UTRN: variants seen among roughly 807,000 people sequenced by gnomAD.
The protein encoded by UTRN is dystrophin-related protein 1.
Under a neutral mutation model 463.9 loss-of-function variants are expected in UTRN, and 283 were observed. The observed-to-expected ratio is 0.61, with a 90% confidence interval of 0.55 to 0.67. The LOEUF (loss-of-function observed/expected upper bound fraction) is 0.67. UTRN is among the 30% of genes least tolerant of loss of function. The probability of loss-of-function intolerance (pLI) is 0.00; values close to 1 mark genes in which losing one functional copy is unlikely to be tolerated. For missense variants in UTRN, 3,922 were observed against 4,084.3 expected, an observed-to-expected ratio of 0.96 and a Z score of 1.08; for synonymous variants, 1,442 against 1,431.5, an observed-to-expected ratio of 1.01 and a Z score of -0.17.
At chr6:144,726,959 AAAG>A (rs932219818) in intron 53 of UTRN, among the ~76,000 whole-genome samples, 9 of 152,198 alleles carry the variant, frequency 5.9e-5, no homozygotes, top group African/African-American at 1.9e-4. Context: ...TGAAATCTAA[AAAG>A]AAGTTCCAAG....
At chr6:144,449,538 C>T (rs905648877) in intron 17 of UTRN, among the ~76,000 whole-genome samples, 2 of 152,062 alleles carry the variant, frequency 1.3e-5, no homozygotes, top group Non-Finnish European at 2.9e-5. Flanking sequence ...TTTAGATGGC[C>T]GTCTCTTCTC....
intron 53 of UTRN, among the ~76,000 whole-genome samples, chr6:144,706,223 A>AG (rs1445347717): frequency 1.7e-5 from 2 of 115,114 alleles, no homozygotes; most frequent in African/African-American, 1.2e-4. Context: ...ATTTCAGGGC[A>AG]GCTTTTTTTT....
At chr6:144,414,305 TG>T (rs1027687380) in intron 3 of UTRN, among the ~76,000 whole-genome samples, 47 of 152,164 alleles carry the variant, frequency 3.1e-4, no homozygotes, top group Non-Finnish European at 4.4e-4. Context: ...ATCCTCACCC[TG>T]TGTAGGCCTA....
At chr6:144,368,866 G>C (rs1483435523) in intron 2 of UTRN, among the ~76,000 whole-genome samples, 2 of 152,198 alleles carry the variant, frequency 1.3e-5, no homozygotes, top group East Asian at 3.8e-4. Context: ...GGATCTAAGA[G>C]AGCTCTAATG....
intron 53 of UTRN, among the ~76,000 whole-genome samples, chr6:144,706,189 T>A (rs1785070116): frequency 6.6e-6 from 1 of 151,348 alleles, no homozygotes; most frequent in South Asian, 2.1e-4. Flanking sequence ...AAATCTCTTA[T>A]GGGTGTGTAA....
At chr6:144,641,556 T>G (rs1777766315) in intron 51 of UTRN, among the ~76,000 whole-genome samples, 1 of 152,176 alleles carries the variant, frequency 6.6e-6, no homozygotes, top group African/African-American at 2.4e-5. Flanking sequence ...GTTTTTCAGG[T>G]TAACTCTGGA....
intron 7 of UTRN, 24 bp from the exon 8 acceptor site, chr6:144,428,754 G>C: frequency 7.4e-7 from 1 of 1,355,804 alleles, no homozygotes; most frequent in Non-Finnish European, 1.0e-6. Flanking sequence ...CATCTTCATT[G>C]CATTTTATTT....
intron 53 of UTRN, among the ~76,000 whole-genome samples, chr6:144,716,187 G>GA (rs1400796102): frequency 1.3e-5 from 2 of 151,220 alleles, no homozygotes; most frequent in Admixed American, 6.6e-5. Context: ...TTATTTAAGG[G>GA]AAAATGAATT....
chr6:144,814,476 G>A (rs1202320105), intron 65 of UTRN, among the ~76,000 whole-genome samples: 2 of 152,056 alleles, frequency 1.3e-5, no homozygotes, highest in African/African-American at 4.8e-5. Context: ...CAAAAGAAGA[G>A]GAATCTCTGT....
chr6:144,433,142 C>A (rs1382184534), intron 9 of UTRN, among the ~76,000 whole-genome samples: 8 of 152,104 alleles, frequency 5.3e-5, no homozygotes, highest in African/African-American at 1.9e-4. Flanking sequence ...ACCTTTCCCC[C>A]CTTTCTATTC....
At chr6:144,837,732 CAG>C (rs756001759) in intron 71 of UTRN, among the ~76,000 whole-genome samples, 2 of 152,196 alleles carry the variant, frequency 1.3e-5, no homozygotes, top group African/African-American at 4.8e-5. Flanking sequence ...TAATTCAAAA[CAG>C]TGTCATTTCT....
intron 39 of UTRN, among the ~76,000 whole-genome samples, chr6:144,519,417 AAAAC>A (rs1428240990): frequency 6.6e-6 from 1 of 152,200 alleles, no homozygotes; most frequent in Non-Finnish European, 1.5e-5. Context: ...GAAATTTAAT[AAAAC>A]ACTCACTTAA....
At chr6:144,471,176 T>C (rs1181567001) in intron 23 of UTRN, among the ~76,000 whole-genome samples, 1 of 150,138 alleles carries the variant, frequency 6.7e-6, no homozygotes, top group Non-Finnish European at 1.5e-5. Flanking sequence ...TACATGTGAA[T>C]TGCATGTGCC....
intron 51 of UTRN, among the ~76,000 whole-genome samples, chr6:144,639,277 T>G (rs571511784): frequency 6.6e-6 from 1 of 152,316 alleles, no homozygotes; most frequent in South Asian, 2.1e-4. Flanking sequence ...CATATACTCT[T>G]AATTTTATTG....
intron 48 of UTRN, among the ~76,000 whole-genome samples, chr6:144,553,915 C>CAAAA (rs397886619): frequency 3.0e-5 from 3 of 99,816 alleles, no homozygotes; most frequent in Admixed American, 1.1e-4. Context: ...GACTCTCTCT[C>CAAAA]AAAAAAAAAA....
At chr6:144,712,266 C>T (rs1785806844) in intron 53 of UTRN, among the ~76,000 whole-genome samples, 2 of 152,164 alleles carry the variant, frequency 1.3e-5, no homozygotes, top group African/African-American at 2.4e-5. Flanking sequence ...TGAGCCTGCA[C>T]CTACCTGCAA....
At chr6:144,539,916 G>A (rs9496998) in intron 45 of UTRN, among the ~76,000 whole-genome samples, 113 of 151,794 alleles carry the variant, frequency 7.4e-4, no homozygotes, top group South Asian at 2.7e-3. Context: ...AGTGGCACAC[G>A]CCTGTAATCG....
At chr6:144,772,769 G>A (rs115900837) in intron 59 of UTRN, among the ~76,000 whole-genome samples, 162 of 152,138 alleles carry the variant, frequency 1.1e-3, no homozygotes, top group African/African-American at 3.0e-3. Flanking sequence ...CGAGAATTCC[G>A]GTTTTGTTTT....
intron 50 of UTRN, among the ~76,000 whole-genome samples, chr6:144,572,139 C>A (rs1412992191): frequency 6.6e-6 from 1 of 152,124 alleles, no homozygotes; most frequent in Non-Finnish European, 1.5e-5. Flanking sequence ...AGAGTGGTGG[C>A]AACGCTGAAG....
Sources: allele counts gnomAD v4.1 joint callset (sites outside exome capture counted in the v4.1 genomes callset), GRCh38; gene constraint gnomAD v4.1.1; transcripts MANE v1.5; gene names NCBI Gene and HGNC (gene_info 2026-07-23, HGNC 2026-07-21).